The following PLCG2 variants were observed in gnomAD, a reference collection of about 807,000 sequenced individuals.
PLCG2 encodes the protein phospholipase C gamma 2, also known as 1-phosphatidylinositol 4,5-bisphosphate phosphodiesterase gamma-2.
In PLCG2, 69 loss-of-function variants were observed where a neutral mutation model predicts 175.6. The observed-to-expected ratio is 0.39, with a 90% CI of 0.32 to 0.48. The LOEUF (loss-of-function observed/expected upper bound fraction) is 0.48, where lower values mean the gene tolerates loss of function less well. Ranked by LOEUF, PLCG2 falls within the 20% of genes least tolerant of loss-of-function variation. PLCG2 has a pLI of 0.91. For synonymous variants in PLCG2, 827 were observed against 624.0 expected (o/e 1.33, Z -4.85); for missense variants, 1,798 against 1,650.9 (o/e 1.09, Z -1.54).
intron 9 of PLCG2, among the ~76,000 whole-genome samples, chr16:81,888,895 C>G (rs1597109726): frequency 6.6e-6 from 1 of 152,124 alleles, no homozygotes; most frequent in East Asian, 1.9e-4. Context: ...TCTGTGGCTG[C>G]TTTTGCAACA....
chr16:81,913,797 C>T (rs917497740), intron 19 of PLCG2, among the ~76,000 whole-genome samples: 1 of 152,222 alleles, frequency 6.6e-6, no homozygotes, highest in African/African-American at 2.4e-5. Context: ...ATCCCATCCC[C>T]TGGTGACCCT....
In PLCG2 at chr16:81,870,859, G is replaced by C. The variant is rs1405300879; in HGVS notation, c.572G>C (p.Gly191Ala). 1.3e-6 allele frequency: 2 copies of C among 1,587,556 alleles called. No homozygotes were observed. Among genetic ancestry groups the C allele is most frequent in the Non-Finnish European group, 1.7e-6 (2 of 1,163,056 alleles). Reference sequence around the variant, plus strand: ...CTTTTTTCATATTTACAGGAAATAGGAGCACACAAAGATGAGCTCAGCTTT... The same window carrying C: ...CTTTTTTCATATTTACAGGAAATAGCAGCACACAAAGATGAGCTCAGCTTT... ...KFLKDKFVEIGAHKDELSFEQ... is the reference protein window; with the variant it reads ...KFLKDKFVEIAAHKDELSFEQ... Residue 191 changes from glycine (G) to alanine (A), a missense_variant, in exon 7 of 33, where the codon GGA becomes GCA. Transcript: ENST00000564138.
In PLCG2 at chr16:81,919,674, G is replaced by T. The variant is rs1432328483; in HGVS notation, c.2235+10G>T. 1.9e-6 allele frequency: 3 copies of T among 1,605,760 alleles called. No homozygotes were observed. The South Asian group carries it at 3.3e-5, about 18-fold the overall frequency. On this transcript the variant is annotated intron_variant, in intron 20 of 32. Transcript: ENST00000564138. ...GGAGCGCTACAATATGGTAGGTGGTGGACTCCCTTGTGATTTGGTGGGATT... is the reference window on the plus strand; with the variant it reads ...GGAGCGCTACAATATGGTAGGTGGTTGACTCCCTTGTGATTTGGTGGGATT...
At chr16:81,824,640 C>T (rs1345008878) in intron 2 of PLCG2, among the ~76,000 whole-genome samples, 1 of 152,168 alleles carries the variant, frequency 6.6e-6, no homozygotes, top group Non-Finnish European at 1.5e-5. Context: ...CATTCAGATT[C>T]AGCGGTTATA....
chr16:81,935,612 T>G (rs1910674893), intron 26 of PLCG2: 1 of 985,258 alleles, frequency 1.0e-6, no homozygotes, highest in Non-Finnish European at 1.2e-6. Flanking sequence ...ACTTCTACCT[T>G]CAGGGACTCA....
chr16:81,785,775 T>G, intron 1 of PLCG2, 168 bp from the exon 2 acceptor site: 4 of 523,568 alleles, frequency 7.6e-6, no homozygotes, highest in South Asian at 4.6e-5. Flanking sequence ...AACCTTTGTG[T>G]CCTGCCTTAG....
At chr16:81,923,259 C>T (rs1031965005) in intron 21 of PLCG2, among the ~76,000 whole-genome samples, 1 of 152,182 alleles carries the variant, frequency 6.6e-6, no homozygotes, top group Non-Finnish European at 1.5e-5. Context: ...AACCCCAACC[C>T]AGGTACCCTT....
chr16:81,847,414 C>G (rs552838934), intron 2 of PLCG2, among the ~76,000 whole-genome samples: 5 of 152,262 alleles, frequency 3.3e-5, no homozygotes, highest in East Asian at 3.9e-4. Context: ...TTTAGCCCCT[C>G]TCTCCTTCCT....
chr16:81,911,451 T>A (rs1037707647), intron 18 of PLCG2, among the ~76,000 whole-genome samples: 1 of 152,080 alleles, frequency 6.6e-6, no homozygotes, highest in Non-Finnish European at 1.5e-5. Context: ...ATGAATCAAT[T>A]TTTTGAGACA....
intron 2 of PLCG2, among the ~76,000 whole-genome samples, chr16:81,797,989 C>G (rs529984601): frequency 6.6e-6 from 1 of 152,096 alleles, no homozygotes; most frequent in Non-Finnish European, 1.5e-5. Flanking sequence ...CTCCACCTCA[C>G]CTGGCTAATT....
chr16:81,767,347 G>C (rs1012966254), intron 2 of PLCG2: 9 of 151,944 alleles, frequency 5.9e-5, no homozygotes, highest in African/African-American at 2.2e-4. Context: ...GTTTCACCAT[G>C]TTGGCCAGGC....
At chr16:81,916,110 A>C (rs983447780) in intron 19 of PLCG2, among the ~76,000 whole-genome samples, 1 of 152,108 alleles carries the variant, frequency 6.6e-6, no homozygotes, top group Non-Finnish European at 1.5e-5. Context: ...CAGCTTTTCT[A>C]CTCAGCAGTG....
At chr16:81,800,646 C>T (rs373691615) in intron 2 of PLCG2, among the ~76,000 whole-genome samples, 12 of 152,086 alleles carry the variant, frequency 7.9e-5, no homozygotes, top group Middle Eastern at 3.4e-3. Flanking sequence ...TCCCTATCTT[C>T]GCTATTGTGA....
At position 81,749,680 on chromosome 16, in the gene PLCG2, A is replaced by G. The variant is rs138550763; in HGVS notation, c.-144-6190A>G. ...TCATTAAATAAATTTAAAGAAATAG[A>G]TGAGTGTTACCAATTCAAGCAATGA... On this transcript the variant is annotated intron_variant, in intron 1 of 5. Coordinates refer to the PLCG2 transcript ENST00000565054. Among the ~76,000 whole-genome samples the G allele has an allele frequency of 1.3e-3, 197 of 152,310 alleles. 1 individual carries two copies. Among genetic ancestry groups the G allele is most frequent in the Non-Finnish European group, 2.4e-3 (162 of 68,042 alleles).
chr16:81,902,090 G>A lies in PLCG2; in HGVS notation c.1362+1310G>A, dbSNP rs111469764. Reference sequence around the variant, plus strand: ...GGGTGTCCAGGGCAAATGGTTTCTGGTAAGCAAGTCAGCTGTCCCGTCCTT... The same window carrying A: ...GGGTGTCCAGGGCAAATGGTTTCTGATAAGCAAGTCAGCTGTCCCGTCCTT... On this transcript the variant is annotated intron_variant, in intron 14 of 32. Coordinates refer to ENST00000564138, the MANE Select transcript of PLCG2 (RefSeq NM_002661.5). Among the ~76,000 whole-genome samples the A allele has an allele frequency of 4.6e-5, 7 of 152,316 alleles. 1 individual carries two copies. Among genetic ancestry groups the A allele is most frequent in the African/African-American group, 1.7e-4 (7 of 41,574 alleles).
At chr16:81,823,852 TC>T (rs1283130420) in intron 2 of PLCG2, among the ~76,000 whole-genome samples, 1 of 151,900 alleles carries the variant, frequency 6.6e-6, no homozygotes, top group Non-Finnish European at 1.5e-5. Context: ...TTCTTTTTTT[TC>T]CTTCCTTCTT....
chr16:81,907,129 C>T (rs1909408007), intron 15 of PLCG2, among the ~76,000 whole-genome samples: 1 of 150,466 alleles, frequency 6.6e-6, no homozygotes. Context: ...TACCCTAGAA[C>T]TTAAAGTATA....
chr16:81,850,907 G>A (rs922795415), intron 2 of PLCG2, among the ~76,000 whole-genome samples: 7 of 152,252 alleles, frequency 4.6e-5, no homozygotes, highest in African/African-American at 1.7e-4. Flanking sequence ...TTAAGATGGG[G>A]CCCGCTTATT....
chr16:81,900,917 C>T, intron 14 of PLCG2, 137 bp downstream of exon 14: 1 of 708,204 alleles, frequency 1.4e-6, no homozygotes, highest in South Asian at 2.0e-5. Flanking sequence ...AATCTGCTCT[C>T]CTTACTAACA....
Sources: gnomAD v4.1 joint callset for allele counts (sites outside exome capture counted in the v4.1 genomes callset) on GRCh38, gnomAD v4.1.1 for gene constraint, MANE v1.5 for transcripts, NCBI Gene and HGNC (gene_info 2026-07-23, HGNC 2026-07-21) for gene names.